Variants in PLCXD3 observed in about 807,000 individuals in gnomAD.
PLCXD3 encodes phosphatidylinositol specific phospholipase C X domain containing 3.
Under a neutral mutation model 25.5 loss-of-function variants are expected in PLCXD3, and 19 were observed. That is an observed-to-expected ratio of 0.75 (90% CI 0.52 to 1.09). PLCXD3 has a LOEUF of 1.09. Ranked by LOEUF, PLCXD3 falls within the 50% of genes least tolerant of loss-of-function variation. The pLI is 0.00. For synonymous variants in PLCXD3, 174 were observed against 137.6 expected (o/e 1.26, Z -1.85); for missense variants, 411 against 388.1 (o/e 1.06, Z -0.50).
At chr5:41,479,425 T>A (rs1037624707) in intron 1 of PLCXD3, among the ~76,000 whole-genome samples, 27 of 152,252 alleles carry the variant, frequency 1.8e-4, no homozygotes, top group African/African-American at 6.0e-4. Context: ...GATGTTTGCA[T>A]AATAATGTGA....
intron 1 of PLCXD3, among the ~76,000 whole-genome samples, chr5:41,406,575 G>C (rs1186735468): frequency 6.6e-6 from 1 of 152,024 alleles, no homozygotes; most frequent in Non-Finnish European, 1.5e-5. Context: ...AAGTTGTACT[G>C]TGTCATGGTA....
intron 1 of PLCXD3, among the ~76,000 whole-genome samples, chr5:41,428,933 C>T (rs1747030258): frequency 6.6e-6 from 1 of 151,984 alleles, no homozygotes; most frequent in African/African-American, 2.4e-5. Flanking sequence ...TCAAAGACTC[C>T]CTGAGTCCAG....
At chr5:41,440,152 C>T (rs1236880105) in intron 1 of PLCXD3, among the ~76,000 whole-genome samples, 3 of 149,726 alleles carry the variant, frequency 2.0e-5, no homozygotes, top group African/African-American at 2.5e-5. Context: ...ATCTTAGCTC[C>T]GTCAGATCTT....
chr5:41,487,862 A>C (rs188233423), intron 1 of PLCXD3, among the ~76,000 whole-genome samples: 31 of 151,970 alleles, frequency 2.0e-4, no homozygotes, highest in African/African-American at 7.2e-4. Context: ...ATAGACAAGA[A>C]CCAATAAGTT....
intron 1 of PLCXD3, among the ~76,000 whole-genome samples, chr5:41,462,220 T>A (rs1747892825): frequency 6.6e-6 from 1 of 152,042 alleles, no homozygotes; most frequent in South Asian, 2.1e-4. Flanking sequence ...GGTCATTTTA[T>A]CACAAGCAAT....
chr5:41,379,553 A>G (rs891123786), intron 2 of PLCXD3, among the ~76,000 whole-genome samples: 1 of 152,018 alleles, frequency 6.6e-6, no homozygotes, highest in Non-Finnish European at 1.5e-5. Flanking sequence ...AGAAGTGAAA[A>G]ATGGTAAAGG....
intron 1 of PLCXD3, among the ~76,000 whole-genome samples, chr5:41,403,782 A>G (rs1746273508): frequency 7.0e-6 from 1 of 143,674 alleles, no homozygotes; most frequent in Admixed American, 7.1e-5. Flanking sequence ...TATGTGCCAC[A>G]TTTTCTTAAT....
intron 1 of PLCXD3, among the ~76,000 whole-genome samples, chr5:41,479,328 A>G (rs968360003): frequency 6.6e-6 from 1 of 152,128 alleles, no homozygotes; most frequent in Non-Finnish European, 1.5e-5. Flanking sequence ...AGGGTCTAGG[A>G]GAGGGAAGAA....
intron 1 of PLCXD3, among the ~76,000 whole-genome samples, chr5:41,489,487 G>A (rs776968706): frequency 6.4e-4 from 98 of 152,146 alleles, no homozygotes; most frequent in Admixed American, 1.4e-3. Context: ...GTAGCTTGAT[G>A]GGGATGGCCT....
chr5:41,351,962 T>C (rs751469690), intron 2 of PLCXD3, among the ~76,000 whole-genome samples: 2 of 152,196 alleles, frequency 1.3e-5, no homozygotes, highest in East Asian at 3.9e-4. Context: ...ATTGCAATGT[T>C]CTGGCAAGGT....
chr5:41,504,193 T>G (rs765691437), intron 1 of PLCXD3, among the ~76,000 whole-genome samples: 2 of 152,124 alleles, frequency 1.3e-5, no homozygotes, highest in African/African-American at 4.8e-5. Flanking sequence ...TAGATTTGTC[T>G]AAAGGAATGA....
intron 2 of PLCXD3, among the ~76,000 whole-genome samples, chr5:41,357,191 A>T (rs1744643889): frequency 1.3e-5 from 2 of 152,248 alleles, no homozygotes; most frequent in South Asian, 2.1e-4. Flanking sequence ...AACAGTAACC[A>T]GCTAGCCTGA....
At chr5:41,401,689 G>A (rs1462806181) in intron 1 of PLCXD3, among the ~76,000 whole-genome samples, 1 of 151,964 alleles carries the variant, frequency 6.6e-6, no homozygotes, top group Non-Finnish European at 1.5e-5. Flanking sequence ...TGTAAGACAT[G>A]CATTATTTTC....
intron 1 of PLCXD3, among the ~76,000 whole-genome samples, chr5:41,479,319 G>C (rs2150522311): frequency 6.6e-6 from 1 of 152,274 alleles, no homozygotes; most frequent in East Asian, 1.9e-4. Context: ...ATGGTTGCCA[G>C]GGTCTAGGAG....
chr5:41,488,982 T>A (rs1748585886), intron 1 of PLCXD3, among the ~76,000 whole-genome samples: 1 of 152,110 alleles, frequency 6.6e-6, no homozygotes, highest in Non-Finnish European at 1.5e-5. Context: ...GCTTTTGGTG[T>A]TTTAGACATG....
chr5:41,403,398 G>GTTTTTTTTTTTTTTTTGTTT (rs764950342), intron 1 of PLCXD3, among the ~76,000 whole-genome samples: 5 of 33,990 alleles, frequency 1.5e-4, no homozygotes, highest in African/African-American at 2.3e-4. Context: ...TGACTTATTT[G>GTTTTTTTTTTTTTTTTGTTT]TTGTTTTTTT....
intron 2 of PLCXD3, among the ~76,000 whole-genome samples, chr5:41,327,517 TGA>T (rs879287000): frequency 1.1e-4 from 17 of 152,174 alleles, no homozygotes; most frequent in Non-Finnish European, 2.4e-4. Context: ...CAGATTGCTG[TGA>T]GAGTCTAAAA....
intron 1 of PLCXD3, among the ~76,000 whole-genome samples, chr5:41,451,279 G>A (rs1208073480): frequency 1.3e-5 from 2 of 152,030 alleles, no homozygotes; most frequent in African/African-American, 4.8e-5. Flanking sequence ...AAAGTAGAAT[G>A]TTTTATAAGC....
intron 1 of PLCXD3, among the ~76,000 whole-genome samples, chr5:41,460,729 T>C (rs1051657547): frequency 1.3e-5 from 2 of 152,026 alleles, no homozygotes; most frequent in Admixed American, 6.6e-5. Flanking sequence ...TTACTTGAAA[T>C]CTTTGATACT....
Sources: gnomAD v4.1 joint callset for allele counts (sites outside exome capture counted in the v4.1 genomes callset) on GRCh38, gnomAD v4.1.1 for gene constraint, MANE v1.5 for transcripts, NCBI Gene and HGNC (gene_info 2026-07-23, HGNC 2026-07-21) for gene names.